The following MTSS1 variants were observed in gnomAD, a reference collection of about 807,000 sequenced individuals.
MTSS1 encodes protein MTSS 1.
Under a neutral mutation model 79.0 loss-of-function variants are expected in MTSS1, and 18 were observed. The observed-to-expected ratio is 0.23, with a 90% CI of 0.16 to 0.34. The LOEUF (loss-of-function observed/expected upper bound fraction) is 0.34, where lower values mean the gene tolerates loss of function less well. MTSS1 is among the 10% of genes least tolerant of loss of function. The pLI is 1.00. For missense variants in MTSS1, 815 were observed against 986.2 expected, an observed-to-expected ratio of 0.83 and a Z score of 2.33; for synonymous variants, 341 against 368.6, an observed-to-expected ratio of 0.93 and a Z score of 0.86.
chr8:124,673,068 C>T (rs1824587365), intron 3 of MTSS1: 1 of 152,126 alleles, frequency 6.6e-6, no homozygotes, highest in Non-Finnish European at 1.5e-5. Context: ...TCTGGATGTT[C>T]TCGCTGGACT....
intron 1 of MTSS1, among the ~76,000 whole-genome samples, chr8:124,704,412 A>G (rs1188293832): frequency 6.6e-6 from 1 of 152,176 alleles, no homozygotes; most frequent in African/African-American, 2.4e-5. Flanking sequence ...ACAAACATCA[A>G]CTGAACTAGT....
At position 124,704,257 on chromosome 8, in the gene MTSS1, G is replaced by C. The variant is rs1384685121; in HGVS notation, c.73-66C>G. 5 of 1,348,316 alleles carry C rather than the reference G, an allele frequency of 3.7e-6. No individual in the cohort carries two copies. The East Asian group carries it at 1.1e-4, about 31-fold the overall frequency. 83.5% of individuals were successfully genotyped at this position (1,348,316 alleles called of 1,614,324 possible). ...GACATCTGATTACTACATTAACAGA[G>C]CACCCAATTCCAATCATGCAGGGAA... On this transcript the variant is annotated intron_variant, in intron 1 of 13. Transcript: ENST00000518547.
At chr8:124,555,181 A>G (rs542386174) in intron 13 of MTSS1, among the ~76,000 whole-genome samples, 2 of 152,246 alleles carry the variant, frequency 1.3e-5, no homozygotes, top group East Asian at 3.9e-4. Context: ...TCTCCATTCA[A>G]ATTGGAGACT....
chr8:124,660,078 G>A (rs986782375), intron 3 of MTSS1, among the ~76,000 whole-genome samples: 6 of 152,156 alleles, frequency 3.9e-5, no homozygotes, highest in African/African-American at 1.4e-4. Flanking sequence ...CAGGTAGGAT[G>A]GCCACTCTGA....
intron 3 of MTSS1, among the ~76,000 whole-genome samples, chr8:124,626,136 C>A (rs1432939939): frequency 1.3e-5 from 2 of 152,184 alleles, no homozygotes; most frequent in African/African-American, 4.8e-5. Flanking sequence ...AATGAAAGGA[C>A]AAGACAAAGT....
At chr8:124,644,543 T>G (rs1355794266) in intron 3 of MTSS1, among the ~76,000 whole-genome samples, 1 of 152,240 alleles carries the variant, frequency 6.6e-6, no homozygotes, top group African/African-American at 2.4e-5. Flanking sequence ...AATTAATCTT[T>G]TCACCAAGTG....
chr8:124,552,863 A>T lies in MTSS1; in HGVS notation c.*129T>A, dbSNP rs574582717. ...TAATTCTTATCTAAAGGTGTCGAGT[A>T]CTTTCAAAAGAGCTATATTCCGAGT... On this transcript the variant is annotated 3_prime_UTR_variant, in exon 14 of 14. Transcript: ENST00000518547. 2.1e-5 allele frequency: 18 copies of T among 839,952 alleles called. 1 individual carries two copies. The South Asian group carries it at 3.3e-4, about 15-fold the overall frequency. 52.0% of individuals were successfully genotyped at this position (839,952 alleles called of 1,614,324 possible). A position where few individuals can be genotyped will look rare whatever the true frequency, so the allele number is the denominator to read the frequency against.
At chr8:124,621,497 T>C (rs1813500343) in intron 3 of MTSS1, among the ~76,000 whole-genome samples, 1 of 151,946 alleles carries the variant, frequency 6.6e-6, no homozygotes, top group African/African-American at 2.4e-5. Context: ...ATTCCAATCA[T>C]ATAGAAGCAC....
Position 124,556,700 on chromosome 8 carries a change from AAGCTAAGGGG to A in MTSS1, c.1231-305_1231-296del, listed in dbSNP as rs1823889653. 17 of 420,924 alleles carry A rather than the reference AAGCTAAGGGG, an allele frequency of 4.0e-5. No individual in the cohort carries two copies. The South Asian group carries it at 5.6e-4, about 14-fold the overall frequency. The allele number at this position is 420,924 out of a possible 1,614,324, so 26.1% of individuals were successfully genotyped here. On this transcript the variant is annotated intron_variant, in intron 11 of 13. Coordinates refer to ENST00000518547, the MANE Select transcript of MTSS1 (RefSeq NM_014751.6). ...CAGCCACCTAACAGGTGACCGGTGT[AAGCTAAGGGG>A]ACCCACCAGTGGGCAGTACATCGTG...
At chr8:124,599,310 C>G (rs1261482346) in intron 3 of MTSS1, among the ~76,000 whole-genome samples, 2 of 151,996 alleles carry the variant, frequency 1.3e-5, no homozygotes, top group Admixed American at 1.3e-4. Flanking sequence ...ATGGTGAAAC[C>G]CTGTCTCTAC....
At chr8:124,624,120 T>A (rs1814175296) in intron 3 of MTSS1, among the ~76,000 whole-genome samples, 1 of 152,166 alleles carries the variant, frequency 6.6e-6, no homozygotes, top group South Asian at 2.1e-4. Flanking sequence ...TCAACCCCCA[T>A]TTCACTCACG....
intron 10 of MTSS1, among the ~76,000 whole-genome samples, chr8:124,561,078 T>C (rs963157360): frequency 6.6e-5 from 10 of 152,262 alleles, no homozygotes; most frequent in Admixed American, 5.9e-4. Context: ...GCAGTCGTAA[T>C]GCCTTTCTTA....
At chr8:124,690,538 T>C (rs963907822) in intron 3 of MTSS1, among the ~76,000 whole-genome samples, 2 of 152,134 alleles carry the variant, frequency 1.3e-5, no homozygotes, top group African/African-American at 4.8e-5. Flanking sequence ...CAGGAAGACA[T>C]GGTTAAAAGC....
Position 124,555,794 on chromosome 8 carries a change from G to A in MTSS1, c.1515C>T (p.Tyr505=), listed in dbSNP as rs770845317. 1.2e-6 allele frequency: 2 copies of A among 1,613,206 alleles called. No homozygotes were observed. The highest frequency in any genetic ancestry group is 2.7e-5 in the African/African-American group (2 of 74,924). The change falls in exon 13 of 14, where the codon TAC becomes TAT. Residue 505 remains tyrosine, a synonymous_variant. Transcript: ENST00000518547. ...AGCAGGGGGTGGTTGTCTGGGTGCT[G>A]TAGCCGCTGGAGCACTGAAGCGAGT... The part of the protein sequence containing the change: ...SRDSLQCSSG[Y]STQTTTPCCS...
chr8:124,717,700 A>T (rs1832297189), intron 1 of MTSS1, among the ~76,000 whole-genome samples: 2 of 152,160 alleles, frequency 1.3e-5, no homozygotes, highest in African/African-American at 4.8e-5. Flanking sequence ...CATCTCAAAA[A>T]ATATATATAT....
chr8:124,663,211 TGTAA>T (rs749924484), intron 3 of MTSS1, among the ~76,000 whole-genome samples: 1 of 152,154 alleles, frequency 6.6e-6, no homozygotes, highest in African/African-American at 2.4e-5. Context: ...CCTTTCGGGC[TGTAA>T]GTTTTTCCTG....
chr8:124,666,344 T>C (rs1222913732), intron 3 of MTSS1, among the ~76,000 whole-genome samples: 1 of 152,208 alleles, frequency 6.6e-6, no homozygotes, highest in Admixed American at 6.5e-5. Flanking sequence ...CTATCAACTC[T>C]AATACAAATG....
intron 3 of MTSS1, among the ~76,000 whole-genome samples, chr8:124,689,210 C>T (rs1827523051): frequency 6.6e-6 from 1 of 152,134 alleles, no homozygotes; most frequent in South Asian, 2.1e-4. Flanking sequence ...TTAGTTCCAA[C>T]TAGCTTTCAC....
intron 3 of MTSS1, among the ~76,000 whole-genome samples, chr8:124,641,257 C>T (rs1278988894): frequency 6.6e-6 from 1 of 152,182 alleles, no homozygotes; most frequent in Admixed American, 6.5e-5. Flanking sequence ...GTTAAGAGAG[C>T]TCCCTCCAGA....
Sources: gnomAD v4.1 joint callset for allele counts (sites outside exome capture counted in the v4.1 genomes callset) on GRCh38, gnomAD v4.1.1 for gene constraint, MANE v1.5 for transcripts, NCBI Gene and HGNC (gene_info 2026-07-23, HGNC 2026-07-21) for gene names.